ARHGAP33: variants seen among roughly 807,000 people sequenced by gnomAD.
The protein encoded by ARHGAP33 is Rho GTPase activating protein 33, also known as rho GTPase-activating protein 33.
In ARHGAP33, 57 loss-of-function variants were observed where a neutral mutation model predicts 126.2. That is an observed-to-expected ratio of 0.45 (90% CI 0.36 to 0.56). The LOEUF (loss-of-function observed/expected upper bound fraction) is 0.56. ARHGAP33 is among the 20% of genes least tolerant of loss of function. The pLI is 0.00. For synonymous variants in ARHGAP33, 711 were observed against 755.0 expected (o/e 0.94, Z 0.95); for missense variants, 1,500 against 1,748.3 (o/e 0.86, Z 2.53).
chr19:35,777,906 C>A lies in ARHGAP33; in HGVS notation c.187C>A (p.Gln63Lys). The A allele has an allele frequency of 6.2e-7, 1 of 1,614,180 alleles. No individual in the cohort carries two copies. The highest frequency in any genetic ancestry group is 8.5e-7 in the Non-Finnish European group (1 of 1,180,006). Residue 63 changes from glutamine (Q) to lysine (K), a missense_variant and splice_region_variant, in exon 3 of 21, where the codon CAG becomes AAG. Physicochemically the swap from Gln to Lys is moderately conservative, Grantham distance 53 (BLOSUM62 1). This residue lies in a region of ARHGAP33 where 129 missense variants were observed against 145.9 expected (regional missense o/e 0.88). Coordinates refer to ENST00000007510, the MANE Select transcript of ARHGAP33 (RefSeq NM_001366178.1). ...CGAGAACGTTGACTTTGGCCACATT[C>A]AGGTATGGGGGCTTTGCATTTGCAC... The part of the protein sequence containing the change: ...HYENVDFGHI[Q>K]LLLSPDREGP...
In ARHGAP33 at chr19:35,780,463, G is replaced by A; in HGVS notation, c.667G>A (p.Asp223Asn). 6.2e-7 allele frequency: 1 copy of A among 1,603,352 alleles called. No individual in the cohort carries two copies. The highest frequency in any genetic ancestry group is 8.5e-7 in the Non-Finnish European group (1 of 1,173,092). The change falls in exon 8 of 21, where the codon GAT (aspartate) becomes AAT (asparagine). Residue 223 changes from aspartate to asparagine, a missense_variant. Transcript: ENST00000007510. ...VSVIDMPPTEDRSWWRGKRGF... is the reference protein window; with the variant it reads ...VSVIDMPPTENRSWWRGKRGF... ...GGTGATCGACATGCCACCCACAGAG[G>A]ATCGGAGCTGGTGGCGGGGCAAGCG...
At position 35,785,419 on chromosome 19, in the gene ARHGAP33, C is replaced by T. The variant is rs545586114; in HGVS notation, c.1878C>T (p.Pro626=). The change falls in exon 19 of 21, where the codon CCC becomes CCT. Residue 626 remains proline (P), a synonymous_variant. Transcript: ENST00000007510. ...CTCCCTCTCCTGCAGGCAGCAGACC[C>T]GACACCGTCACACTGAGATCTGCCA... ...RAPPQPSGSR[P]DTVTLRSAKS... The T allele has an allele frequency of 5.6e-6, 9 of 1,614,134 alleles. No individual in the cohort carries two copies. Among genetic ancestry groups the T allele is most frequent in the East Asian group, 2.2e-5 (1 of 44,874 alleles).
At chr19:35,787,128 G>T in intron 20 of ARHGAP33, 40 bp from the exon 21 acceptor site, 2 of 1,604,150 alleles carry the variant, frequency 1.2e-6, no homozygotes, top group Non-Finnish European at 1.7e-6. Flanking sequence ...GACTCTGAGG[G>T]CCTGGCCCCA....
intron 1 of ARHGAP33, among the ~76,000 whole-genome samples, chr19:35,777,232 T>G (rs1971501159): frequency 6.6e-6 from 1 of 152,088 alleles, no homozygotes; most frequent in African/African-American, 2.4e-5. Flanking sequence ...GATTTGTGTT[T>G]TCTGAAAACG....
rs139345874 is a variant in ARHGAP33, at chr19:35,780,279, C to T, written c.570C>T (p.Ala190=). Residue 190 remains alanine (A), a synonymous_variant, in exon 7 of 21, where the codon GCC becomes GCT. Transcript: ENST00000007510. Reference sequence around the variant, plus strand: ...CACTCAATATCCCTGCAGTGGCGGCCGCCCATGTGATCAAACGGTATACAG... The same window carrying T: ...CACTCAATATCCCTGCAGTGGCGGCTGCCCATGTGATCAAACGGTATACAG... The part of the protein sequence containing the change: ...EASLNIPAVA[A]AHVIKRYTAQ... 3.4e-5 allele frequency: 55 copies of T among 1,613,794 alleles called. No homozygotes were observed. The African/African-American group carries it at 5.7e-4, about 17-fold the overall frequency.
chr19:35,776,977 G>A (rs10409741), intron 1 of ARHGAP33, among the ~76,000 whole-genome samples: 2 of 152,004 alleles, frequency 1.3e-5, no homozygotes, highest in African/African-American at 2.4e-5. Flanking sequence ...AAGGTGGGGC[G>A]AGTGTTCCAG....
chr19:35,776,661 G>C (rs1352924546), intron 1 of ARHGAP33, among the ~76,000 whole-genome samples: 2 of 152,244 alleles, frequency 1.3e-5, no homozygotes, highest in African/African-American at 2.4e-5. Flanking sequence ...AATCATGTCT[G>C]AACACCAACT....
In ARHGAP33 at chr19:35,784,256, G is replaced by A. The variant is rs147288908; in HGVS notation, c.1506G>A (p.Leu502=). 252 of 1,611,912 alleles carry A rather than the reference G, an allele frequency of 1.6e-4. No homozygotes were observed. The African/African-American group carries it at 2.8e-3, about 18-fold the overall frequency. Residue 502 remains leucine, a synonymous_variant, in exon 16 of 21, where the codon CTG becomes CTA. Transcript: ENST00000007510. ...VRVQSVVVEF[L]LTHVDVLFSD... ...TGCAGTCGGTGGTGGTGGAGTTTCTGCTCACCCATGTGGACGTCCTGTTCA... is the reference window on the plus strand; with the variant it reads ...TGCAGTCGGTGGTGGTGGAGTTTCTACTCACCCATGTGGACGTCCTGTTCA...
In ARHGAP33 at chr19:35,786,756, A is replaced by G; in HGVS notation, c.2286A>G (p.Ala762=). 8.0e-6 allele frequency: 12 copies of G among 1,497,156 alleles called. No homozygotes were observed. The highest frequency in any genetic ancestry group is 1.1e-5 in the Non-Finnish European group (12 of 1,128,608). 92.7% of individuals were successfully genotyped at this position (1,497,156 alleles called of 1,614,324 possible). Residue 762 remains alanine (A), a synonymous_variant, in exon 20 of 21, where the codon GCA becomes GCG. Transcript: ENST00000007510. This position sits in a 1 kb window ranked among gnomAD's most constrained non-coding sequence, Gnocchi z 7.0. Reference sequence around the variant, plus strand: ...ATCCCGCACCTCCCGCCAGCCCAGCACCCCCCGCCCCTGCCTCTGCCTTCC... The same window carrying G: ...ATCCCGCACCTCCCGCCAGCCCAGCGCCCCCCGCCCCTGCCTCTGCCTTCC... ...PGDPAPPASP[A]PPAPASAFPP...
intron 6 of ARHGAP33, 38 bp downstream of exon 6, chr19:35,779,162 T>G (rs1971611652): frequency 6.6e-7 from 1 of 1,509,214 alleles, no homozygotes; most frequent in African/African-American, 1.4e-5. Flanking sequence ...TCCGAGTGGG[T>G]GAGGGGGTGT....
At chr19:35,778,432 C>A in intron 4 of ARHGAP33, 32 bp from the exon 5 acceptor site, 1 of 1,614,098 alleles carries the variant, frequency 6.2e-7, no homozygotes, top group African/African-American at 1.3e-5. Context: ...GTCATGGGGC[C>A]CCTGCTCCCT....
chr19:35,787,360 A>T lies in ARHGAP33; in HGVS notation c.2795A>T (p.His932Leu), dbSNP rs1760150238. 4 of 1,607,890 alleles carry T rather than the reference A, an allele frequency of 2.5e-6. No homozygotes were observed. The highest frequency in any genetic ancestry group is 3.4e-6 in the Non-Finnish European group (4 of 1,177,152). ...GTPPASQSPF[H>L]RSLSLEVGGE... ...CCACCTGCTTCCCAATCCCCCTTCC[A>T]CCGCTCGCTGTCTCTGGAGGTGGGC... Residue 932 changes from histidine (H) to leucine (L), a missense_variant, in exon 21 of 21, where the codon CAC (histidine) becomes CTC (leucine). Transcript: ENST00000007510.
Position 35,787,539 on chromosome 19 carries a change from G to A in ARHGAP33, c.2974G>A (p.Gly992Arg), listed in dbSNP as rs1972186626. Residue 992 changes from glycine to arginine, a missense_variant, in exon 21 of 21, where the codon GGA (glycine) becomes AGA (arginine). Coordinates refer to ENST00000007510, the MANE Select transcript of ARHGAP33 (RefSeq NM_001366178.1). ...GCGGCCCATGGGGACCTCAAGGAGG[G>A]GACTCCGAGGCCCTGCCCAGGTCAG... ...SQRPMGTSRR[G>R]LRGPAQVSAQ... 1.2e-6 allele frequency: 2 copies of A among 1,611,900 alleles called. No homozygotes were observed. The highest frequency in any genetic ancestry group is 1.7e-6 in the Non-Finnish European group (2 of 1,179,510).
At chr19:35,784,040 G>C (rs542186783) in intron 15 of ARHGAP33, 132 bp from the exon 16 acceptor site, 3 of 680,826 alleles carry the variant, frequency 4.4e-6, no homozygotes, top group East Asian at 6.3e-5. Context: ...AGAGCCCAGC[G>C]AGGCGTGATC....
rs1386295753 is a variant in ARHGAP33 at position 35,788,353 on chromosome 19, G to A, written c.3788G>A (p.Gly1263Glu). Residue 1263 changes from glycine (G) to glutamate (E), a missense_variant, in exon 21 of 21, where the codon GGG (glycine) becomes GAG (glutamate). Transcript: ENST00000007510. ...LYRNGGQRGEGAGPPPPYPTP... is the reference protein window; with the variant it reads ...LYRNGGQRGEEAGPPPPYPTP... ...AGAAATGGAGGGCAAAGAGGGGAGG[G>A]GGCTGGTCCCCCACCCCCTTACCCC... 1.2e-6 allele frequency: 2 copies of A among 1,604,032 alleles called. No individual in the cohort carries two copies. Among genetic ancestry groups the A allele is most frequent in the Non-Finnish European group, 1.7e-6 (2 of 1,176,280 alleles).
At position 35,775,624 on chromosome 19, in the gene ARHGAP33, C is replaced by A; in HGVS notation, c.-35C>A. The stretch of plus-strand genomic sequence containing the variant: ...GCGACGAGAACGGCGAGCGAGGGGT[C>A]GAGCGCGGCCGGGGCCTGAGGAGGC... On this transcript the variant is annotated 5_prime_UTR_variant, in exon 1 of 21. It introduces an in-frame stop codon into an upstream open reading frame of the 5' UTR. Transcript: ENST00000007510. 6.6e-7 allele frequency: 1 copy of A among 1,516,224 alleles called. No individual in the cohort carries two copies. Among genetic ancestry groups the A allele is most frequent in the South Asian group, 1.2e-5 (1 of 80,154 alleles). 93.9% of individuals were successfully genotyped at this position (1,516,224 alleles called of 1,614,324 possible). A position where few individuals can be genotyped will look rare whatever the true frequency, so the allele number is the denominator to read the frequency against.
intron 6 of ARHGAP33, 86 bp downstream of exon 6, chr19:35,779,210 A>G: frequency 9.2e-7 from 1 of 1,091,058 alleles, no homozygotes; most frequent in East Asian, 2.6e-5. Context: ...GTGTGTGGGC[A>G]TAGAAAAGAA....
At chr19:35,785,537 G>T in intron 19 of ARHGAP33, 54 bp downstream of exon 19, 1 of 1,608,482 alleles carries the variant, frequency 6.2e-7, no homozygotes, top group East Asian at 2.2e-5. Context: ...GGAGCCGGGA[G>T]GAATTGGGGC....
At chr19:35,779,158 T>A in intron 6 of ARHGAP33, 34 bp downstream of exon 6, 1 of 1,521,896 alleles carries the variant, frequency 6.6e-7, no homozygotes, top group Non-Finnish European at 8.9e-7. Context: ...AGATTCCGAG[T>A]GGGTGAGGGG....
Sources: allele counts gnomAD v4.1 joint callset (sites outside exome capture counted in the v4.1 genomes callset), GRCh38; gene constraint gnomAD v4.1.1; regional missense constraint gnomAD v4.1.1; non-coding constraint Gnocchi (gnomAD v3.1); transcripts MANE v1.5; gene names NCBI Gene and HGNC (gene_info 2026-07-23, HGNC 2026-07-21).